The following SLIT3 variants were observed in gnomAD, a reference collection of about 807,000 sequenced individuals.
The protein encoded by SLIT3 is slit guidance ligand 3.
A neutral mutation model predicts 184.0 loss-of-function variants in SLIT3; 68 were observed. The observed-to-expected ratio is 0.37, with a 90% CI of 0.30 to 0.45. The LOEUF is 0.45. SLIT3 is among the 20% of genes least tolerant of loss of function. The pLI is 1.00. For synonymous variants in SLIT3, 831 were observed against 828.6 expected (o/e 1.00, Z -0.05); for missense variants, 1,707 against 2,026.0 (o/e 0.84, Z 3.02).
chr5:169,277,988 T>C (rs1766870502), intron 1 of SLIT3, among the ~76,000 whole-genome samples: 1 of 152,334 alleles, frequency 6.6e-6, no homozygotes. Flanking sequence ...TAAGAGCAAA[T>C]TGGTAAGACG....
intron 4 of SLIT3, among the ~76,000 whole-genome samples, chr5:169,128,536 C>G (rs1276479088): frequency 6.6e-6 from 1 of 152,104 alleles, no homozygotes; most frequent in East Asian, 1.9e-4. Flanking sequence ...TCAAGCTATT[C>G]TCCTGCCTCA....
intron 12 of SLIT3, among the ~76,000 whole-genome samples, chr5:168,780,967 A>G (rs1755948256): frequency 6.6e-6 from 1 of 152,194 alleles, no homozygotes; most frequent in African/African-American, 2.4e-5. Flanking sequence ...ACGTCTTGCT[A>G]AACACTCAAG....
At chr5:169,151,673 A>G (rs1561699769) in intron 4 of SLIT3, among the ~76,000 whole-genome samples, 1 of 152,212 alleles carries the variant, frequency 6.6e-6, no homozygotes. Context: ...CTAACTTCCC[A>G]GGCTTGTGAT....
intron 4 of SLIT3, among the ~76,000 whole-genome samples, chr5:169,044,285 A>G (rs564725192): frequency 6.6e-6 from 1 of 152,332 alleles, no homozygotes; most frequent in Admixed American, 6.5e-5. Flanking sequence ...TCCTGCTCCT[A>G]TGTATATACC....
chr5:169,239,292 A>C (rs1036240968), intron 3 of SLIT3, among the ~76,000 whole-genome samples: 1 of 152,096 alleles, frequency 6.6e-6, no homozygotes, highest in African/African-American at 2.4e-5. Flanking sequence ...ACATTGGTTT[A>C]TATTTTTTTC....
At position 168,836,731 on chromosome 5, in the gene SLIT3, G is replaced by A. The variant is rs574767897; in HGVS notation, c.557+7853C>T. Among the ~76,000 whole-genome samples, 10 of 152,224 alleles carry A rather than the reference G, an allele frequency of 6.6e-5. No homozygotes were observed. The South Asian group carries it at 1.9e-3, about 28-fold the overall frequency. On this transcript the variant is annotated intron_variant, in intron 6 of 35. Coordinates refer to ENST00000519560, the MANE Select transcript of SLIT3 (RefSeq NM_003062.4). ...CTCCCCCTAAGCGCTACTCACGGGA[G>A]AAGTTAACAGGAGGTTCGTTGATTC...
intron 23 of SLIT3, among the ~76,000 whole-genome samples, chr5:168,714,636 A>C (rs1762662706): frequency 6.6e-6 from 1 of 152,158 alleles, no homozygotes; most frequent in Admixed American, 6.5e-5. Flanking sequence ...ATTTACTAGG[A>C]CAACTCATTA....
chr5:168,669,337 T>TAGTG (rs1305250717), intron 35 of SLIT3, among the ~76,000 whole-genome samples: 1 of 152,184 alleles, frequency 6.6e-6, no homozygotes, highest in East Asian at 1.9e-4. Context: ...AGAGCCTGTG[T>TAGTG]AGTGACTCAT....
chr5:169,131,060 C>T (rs1561685006), intron 4 of SLIT3, among the ~76,000 whole-genome samples: 1 of 152,170 alleles, frequency 6.6e-6, no homozygotes, highest in Non-Finnish European at 1.5e-5. Context: ...GAGGCACAGC[C>T]AGGTCATAGG....
intron 4 of SLIT3, among the ~76,000 whole-genome samples, chr5:169,130,881 G>T (rs894026295): frequency 3.9e-5 from 6 of 152,168 alleles, no homozygotes; most frequent in African/African-American, 1.2e-4. Flanking sequence ...GCTACAGAAT[G>T]ATAGAGTATA....
chr5:168,823,018 G>C (rs1356848440), intron 7 of SLIT3, among the ~76,000 whole-genome samples: 1 of 152,208 alleles, frequency 6.6e-6, no homozygotes, highest in African/African-American at 2.4e-5. Context: ...TCTAGGGTAA[G>C]AGAAATGAGT....
intron 29 of SLIT3, among the ~76,000 whole-genome samples, chr5:168,691,766 G>A (rs1386176545): frequency 6.6e-6 from 1 of 152,214 alleles, no homozygotes; most frequent in Non-Finnish European, 1.5e-5. Context: ...GCTGGGTGTA[G>A]AAGGCAGCAC....
intron 4 of SLIT3, among the ~76,000 whole-genome samples, chr5:169,034,285 G>C (rs1025417295): frequency 7.9e-5 from 12 of 151,828 alleles, no homozygotes; most frequent in Admixed American, 7.2e-4. Flanking sequence ...TTTGTGTCCT[G>C]AGCCTTTGGT....
intron 7 of SLIT3, among the ~76,000 whole-genome samples, chr5:168,818,874 C>T (rs1757427979): frequency 6.6e-6 from 1 of 152,276 alleles, no homozygotes; most frequent in South Asian, 2.1e-4. Flanking sequence ...GCCTTGGCCG[C>T]CGCAGGGGGC....
chr5:168,971,410 C>A (rs1250453587), intron 4 of SLIT3, among the ~76,000 whole-genome samples: 2 of 152,210 alleles, frequency 1.3e-5, no homozygotes, highest in Non-Finnish European at 2.9e-5. Context: ...CCACTGTACC[C>A]CATTGCAGGA....
intron 3 of SLIT3, among the ~76,000 whole-genome samples, chr5:169,218,664 G>A (rs1203415774): frequency 6.6e-6 from 1 of 152,200 alleles, no homozygotes; most frequent in Non-Finnish European, 1.5e-5. Flanking sequence ...AGGCAAAGGG[G>A]GAGACTTACA....
intron 4 of SLIT3, among the ~76,000 whole-genome samples, chr5:169,054,276 C>T (rs377416381): frequency 6.8e-6 from 1 of 147,160 alleles, no homozygotes; most frequent in Non-Finnish European, 1.5e-5. Context: ...TGGGATGATG[C>T]GGCCACAAAC....
Position 168,666,428 on chromosome 5 carries a change from GAGGTGGC to G in SLIT3, c.*19_*25del. On this transcript the variant is annotated 3_prime_UTR_variant, in exon 36 of 36. Coordinates refer to ENST00000519560, the MANE Select transcript of SLIT3 (RefSeq NM_003062.4). Reference sequence around the variant, plus strand: ...CCAACTCCATCAAGCTGGAGTCCGAGAGGTGGCAGGCAGGCGGGCAGGGGCTTAGGAA... The same window carrying G: ...CCAACTCCATCAAGCTGGAGTCCGAGAGGCAGGCGGGCAGGGGCTTAGGAA... 6.6e-7 allele frequency: 1 copy of G among 1,526,560 alleles called. No homozygotes were observed. The highest frequency in any genetic ancestry group is 8.8e-7 in the Non-Finnish European group (1 of 1,135,920). 94.6% of individuals were successfully genotyped at this position (1,526,560 alleles called of 1,614,324 possible). A position where few individuals can be genotyped will look rare whatever the true frequency, so the allele number is the denominator to read the frequency against.
intron 4 of SLIT3, among the ~76,000 whole-genome samples, chr5:169,093,577 C>A (rs1759667596): frequency 6.6e-6 from 1 of 152,212 alleles, no homozygotes; most frequent in African/African-American, 2.4e-5. Flanking sequence ...CAGATCCTTA[C>A]AACCCTTCCT....
Sources: allele counts gnomAD v4.1 joint callset (sites outside exome capture counted in the v4.1 genomes callset), GRCh38; gene constraint gnomAD v4.1.1; transcripts MANE v1.5; gene names NCBI Gene and HGNC (gene_info 2026-07-23, HGNC 2026-07-21).